Variants in ADGRG2 observed in about 807,000 individuals in gnomAD.
ADGRG2 encodes the protein G protein-coupled receptor 64.
Under a neutral mutation model 74.1 loss-of-function variants are expected in ADGRG2, and 26 were observed. The ratio of observed to expected loss-of-function variants is 0.35; its 90% CI spans 0.26 to 0.49. ADGRG2 has a LOEUF of 0.49. Ranked by LOEUF, ADGRG2 falls within the 20% of genes least tolerant of loss-of-function variation. The pLI is 0.99. For synonymous variants in ADGRG2, 296 were observed against 295.2 expected, an observed-to-expected ratio of 1.00 and a Z score of -0.03; for missense variants, 619 against 763.1, an observed-to-expected ratio of 0.81 and a Z score of 2.22.
In ADGRG2 at chrX:19,009,621, T is replaced by G; in HGVS notation, c.1422+5A>C. 2 of 1,200,367 alleles carry G rather than the reference T, an allele frequency of 1.7e-6. No individual in the cohort carries two copies. The highest frequency in any genetic ancestry group is 2.3e-6 in the Non-Finnish European group (2 of 885,149). ...TGTTTTTTTCTGCCATCAATTATGA[T>G]GTACCTGAAGATTTGCAGGGTCTTG... On this transcript the variant is annotated splice_donor_5th_base_variant and intron_variant, in intron 18 of 28. Transcript: ENST00000379869.
intron 3 of ADGRG2, among the ~76,000 whole-genome samples, chrX:19,049,026 C>T (rs1446380433): frequency 8.9e-6 from 1 of 111,905 alleles, no homozygotes; most frequent in Non-Finnish European, 1.9e-5. Flanking sequence ...ACCTTATCTT[C>T]TCCTGCCCTC....
intron 15 of ADGRG2, among the ~76,000 whole-genome samples, chrX:19,015,920 C>T (rs1460487348): frequency 8.9e-6 from 1 of 112,138 alleles, no homozygotes; most frequent in African/African-American, 3.2e-5. Flanking sequence ...TTCAGAAGGC[C>T]CCGTTCACTG....
intron 20 of ADGRG2, among the ~76,000 whole-genome samples, chrX:19,006,960 TTGCCCAGGC>T (rs2060248705): frequency 9.1e-6 from 1 of 109,594 alleles, no homozygotes; most frequent in Admixed American, 9.9e-5. Context: ...TTTTGCCATG[TTGCCCAGGC>T]TGGTCTCAAA....
At chrX:19,045,857 C>T (rs773830039) in intron 3 of ADGRG2, among the ~76,000 whole-genome samples, 8 of 111,383 alleles carry the variant, frequency 7.2e-5, no homozygotes, top group Non-Finnish European at 1.5e-4. Flanking sequence ...ATCTTGTCTA[C>T]ATAGTGGGAA....
chrX:19,085,832 C>T lies in ADGRG2; in HGVS notation c.-46-3086G>A, dbSNP rs573112144. 2.8e-4 allele frequency among the ~76,000 whole-genome samples: 31 copies of T among 111,001 alleles called. 1 individual carries two copies. In the South Asian group the frequency reaches 0.011, roughly 40 times the overall value. On this transcript the variant is annotated intron_variant, in intron 1 of 28. Transcript: ENST00000379869. ...GCAGAAGGAGGGCTGAACAGAGCTC[C>T]TCCATCAAGCTCAGTGGGTGGGGAA...
intron 24 of ADGRG2, among the ~76,000 whole-genome samples, chrX:19,000,180 G>T (rs961376383): frequency 9.1e-6 from 1 of 110,026 alleles, no homozygotes; most frequent in East Asian, 2.9e-4. Context: ...TGTATTTTTC[G>T]TAGAGACGGG....
chrX:19,106,449 C>T (rs1185666282), intron 1 of ADGRG2, among the ~76,000 whole-genome samples: 1 of 110,476 alleles, frequency 9.1e-6, no homozygotes, highest in African/African-American at 3.3e-5. Context: ...ATGCCTGCCC[C>T]ACCCCACTCC....
At chrX:19,117,691 G>A (rs1247793374) in intron 1 of ADGRG2, among the ~76,000 whole-genome samples, 2 of 110,169 alleles carry the variant, frequency 1.8e-5, no homozygotes, top group South Asian at 3.9e-4. Flanking sequence ...GTGGTGCGCC[G>A]CCATAGTCCC....
chrX:19,114,062 A>C (rs1312239179), intron 1 of ADGRG2, among the ~76,000 whole-genome samples: 1 of 100,368 alleles, frequency 1.0e-5, no homozygotes, highest in Non-Finnish European at 2.0e-5. Flanking sequence ...ACGGGGCAAG[A>C]ATCTGTCTCA....
intron 1 of ADGRG2, among the ~76,000 whole-genome samples, chrX:19,097,317 G>A (rs894995340): frequency 8.9e-6 from 1 of 112,582 alleles, no homozygotes; most frequent in Non-Finnish European, 1.9e-5. Flanking sequence ...TTCGAGACCA[G>A]CCTGGCCAAC....
chrX:19,119,264 A>G (rs1370198420), intron 1 of ADGRG2, among the ~76,000 whole-genome samples: 1 of 112,461 alleles, frequency 8.9e-6, no homozygotes, highest in Non-Finnish European at 1.9e-5. Flanking sequence ...GACAGTGTTT[A>G]CCACAATTTA....
chrX:19,020,612 G>C (rs1569381890), intron 14 of ADGRG2, among the ~76,000 whole-genome samples: 1 of 111,038 alleles, frequency 9.0e-6, no homozygotes, highest in Admixed American at 9.7e-5. Flanking sequence ...AGAACTTAAA[G>C]TAAAATAAAA....
At chrX:19,012,966 A>G (rs1443951306) in intron 16 of ADGRG2, among the ~76,000 whole-genome samples, 4 of 111,658 alleles carry the variant, frequency 3.6e-5, no homozygotes, top group Admixed American at 1.9e-4. Flanking sequence ...TTTCCACAGC[A>G]TTCTCACGTA....
In ADGRG2 at chrX:19,086,166, C is replaced by T. The variant is rs759156032; in HGVS notation, c.-46-3420G>A. The stretch of plus-strand genomic sequence containing the variant: ...CACCAGCCTTTATCTCCTAGAGAAG[C>T]GGAACAGGAATGAGGATCTGATGAG... On this transcript the variant is annotated intron_variant, in intron 1 of 28. Transcript: ENST00000379869. Among the ~76,000 whole-genome samples, 7 of 111,744 alleles carry T rather than the reference C, an allele frequency of 6.3e-5. No homozygotes were observed. The East Asian group carries it at 1.4e-3, about 22-fold the overall frequency.
chrX:19,107,134 C>G (rs941591871), intron 1 of ADGRG2, among the ~76,000 whole-genome samples: 6 of 111,546 alleles, frequency 5.4e-5, no homozygotes, highest in African/African-American at 2.0e-4. Context: ...GTGCAGCTCC[C>G]CCGCCCCAAC....
At chrX:19,093,902 TACACAC>T (rs61296210) in intron 1 of ADGRG2, among the ~76,000 whole-genome samples, 17 of 100,187 alleles carry the variant, frequency 1.7e-4, no homozygotes, top group South Asian at 4.6e-4. Context: ...TATGTAGGTA[TACACAC>T]ACACACACAC....
At chrX:19,109,579 C>T in intron 1 of ADGRG2, among the ~76,000 whole-genome samples, 1 of 111,826 alleles carries the variant, frequency 8.9e-6, no homozygotes, top group Non-Finnish European at 1.9e-5. Context: ...ATTTCAATAA[C>T]ACACACGGCT....
chrX:19,042,134 A>G (rs1209769305), intron 3 of ADGRG2, among the ~76,000 whole-genome samples: 1 of 111,554 alleles, frequency 9.0e-6, no homozygotes, highest in Non-Finnish European at 1.9e-5. Context: ...TTGAAAAAAT[A>G]CCTTTGGGAA....
intron 1 of ADGRG2, among the ~76,000 whole-genome samples, chrX:19,103,009 A>G (rs5955694): frequency 0.075 from 8,360 of 111,036 alleles, 461 homozygotes; most frequent in African/African-American, 0.19. Flanking sequence ...TTGAATAGGG[A>G]CTGGGTAAAA....
Sources: allele counts gnomAD v4.1 joint callset (sites outside exome capture counted in the v4.1 genomes callset), GRCh38; gene constraint gnomAD v4.1.1; transcripts MANE v1.5; gene names NCBI Gene and HGNC (gene_info 2026-07-23, HGNC 2026-07-21).